Variants in VGLL4 observed in about 807,000 individuals in gnomAD.
VGLL4 encodes transcription cofactor vestigial-like protein 4.
In VGLL4, 7 loss-of-function variants were observed where a neutral mutation model predicts 21.0. The ratio of observed to expected loss-of-function variants is 0.33; its 90% CI spans 0.19 to 0.63. VGLL4 has a LOEUF of 0.63. Among genes scored for constraint, VGLL4 ranks in the 20% least tolerant of loss-of-function variants. VGLL4 has a pLI of 0.78. For synonymous variants in VGLL4, 222 were observed against 173.2 expected (o/e 1.28, Z -2.21); for missense variants, 394 against 425.7 (o/e 0.93, Z 0.66).
intron 1 of VGLL4, among the ~76,000 whole-genome samples, chr3:11,604,968 C>T (rs1272706074): frequency 7.0e-6 from 1 of 143,552 alleles, no homozygotes; most frequent in Non-Finnish European, 1.5e-5. Flanking sequence ...AGTTTAACTA[C>T]AGGCCTTTCT....
chr3:11,609,056 T>G, intron 1 of VGLL4, among the ~76,000 whole-genome samples: 1 of 152,148 alleles, frequency 6.6e-6, no homozygotes. Flanking sequence ...TTAGTAGAGA[T>G]GGGGTTTTAC....
chr3:11,571,189 G>C (rs7622301), intron 2 of VGLL4, among the ~76,000 whole-genome samples: 68,215 of 152,002 alleles, frequency 0.45, 17,369 homozygotes, highest in Non-Finnish European at 0.6. Context: ...TCAATAGCGG[G>C]GTCCATCCTC....
chr3:11,641,425 A>AT (rs2075686904), intron 1 of VGLL4, among the ~76,000 whole-genome samples: 1 of 152,136 alleles, frequency 6.6e-6, no homozygotes, highest in African/African-American at 2.4e-5. Flanking sequence ...CAAGTGTTGG[A>AT]TTTTAAAGAA....
At chr3:11,595,018 G>A (rs944422075) in intron 2 of VGLL4, among the ~76,000 whole-genome samples, 5 of 152,194 alleles carry the variant, frequency 3.3e-5, no homozygotes, top group East Asian at 1.9e-4. Flanking sequence ...AAAATTAGCC[G>A]GGCATGGTGG....
At chr3:11,713,438 G>C (rs920708532) in intron 1 of VGLL4, among the ~76,000 whole-genome samples, 1 of 151,730 alleles carries the variant, frequency 6.6e-6, no homozygotes, top group Non-Finnish European at 1.5e-5. Flanking sequence ...GCTTCTGCTT[G>C]CGTCAAATTC....
rs376243595 is a variant in VGLL4, at chr3:11,698,504, G to C, written c.64+4467C>G. ...AGCCTGGGCGAATGAGCAAGACTCT[G>C]TCTCCAGAAAAAAACAGCTGGAAAA... On this transcript the variant is annotated intron_variant, in intron 2 of 5. Transcript: ENST00000273038. 2.6e-4 allele frequency among the ~76,000 whole-genome samples: 39 copies of C among 152,210 alleles called. 1 individual carries two copies. The highest frequency in any genetic ancestry group is 2.1e-3 in the East Asian group (11 of 5,172).
At chr3:11,582,402 T>G in intron 2 of VGLL4, 1 of 1,546,012 alleles carries the variant, frequency 6.5e-7, no homozygotes, top group South Asian at 1.2e-5. Context: ...GGGCGGGCGC[T>G]TGTCAGAATA....
Position 11,626,051 on chromosome 3 carries a change from A to G in VGLL4, c.82+17386T>C, listed in dbSNP as rs938275942. On this transcript the variant is annotated intron_variant, in intron 1 of 4. Coordinates refer to ENST00000430365, the MANE Select transcript of VGLL4 (RefSeq NM_001128219.3). ...GAATGAATGGCATGGTGTACGAATT[A>G]TATCTCAGCAAAGCTGTTAAAAATC... 5.3e-5 allele frequency among the ~76,000 whole-genome samples: 8 copies of G among 152,226 alleles called. No individual in the cohort carries two copies. In the East Asian group the frequency reaches 5.8e-4, roughly 11 times the overall value.
intron 2 of VGLL4, among the ~76,000 whole-genome samples, chr3:11,582,122 G>A (rs1430366267): frequency 6.6e-6 from 1 of 152,220 alleles, no homozygotes; most frequent in African/African-American, 2.4e-5. Context: ...AGGGAGGGAC[G>A]AGAAGGAAAA....
At position 11,655,312 on chromosome 3, in the gene VGLL4, TGAG is replaced by T. The variant is rs1370028767; in HGVS notation, c.64+47656_64+47658del. 3.3e-5 allele frequency among the ~76,000 whole-genome samples: 5 copies of T among 152,290 alleles called. No homozygotes were observed. In the East Asian group the frequency reaches 9.6e-4, roughly 29 times the overall value. ...CTACCCTGGAGATTCTGAACTGAAC[TGAG>T]GAGGGCACCTGGCTGCTTTTCATAC... is the stretch of plus-strand genomic sequence containing the variant. On this transcript the variant is annotated intron_variant, in intron 2 of 5. Coordinates refer to the VGLL4 transcript ENST00000273038.
intron 2 of VGLL4, among the ~76,000 whole-genome samples, chr3:11,663,064 C>T (rs770199987): frequency 7.9e-5 from 12 of 152,068 alleles, no homozygotes; most frequent in Non-Finnish European, 1.5e-4. Flanking sequence ...GTTGGGAAAG[C>T]GAGGCAGCAG....
chr3:11,691,500 C>T (rs2076526060), intron 2 of VGLL4, among the ~76,000 whole-genome samples: 1 of 152,150 alleles, frequency 6.6e-6, no homozygotes, highest in African/African-American at 2.4e-5. Flanking sequence ...TGTAAATACA[C>T]CCATCATGGC....
chr3:11,714,093 A>AT (rs1440212342), intron 1 of VGLL4, among the ~76,000 whole-genome samples: 1 of 152,210 alleles, frequency 6.6e-6, no homozygotes, highest in Non-Finnish European at 1.5e-5. Flanking sequence ...AACTATACAA[A>AT]TGCACAGACT....
chr3:11,677,089 T>G (rs565205384), intron 2 of VGLL4, among the ~76,000 whole-genome samples: 1 of 152,322 alleles, frequency 6.6e-6, no homozygotes, highest in Admixed American at 6.5e-5. Context: ...GTTAAATATT[T>G]TGGTTGTTTT....
intron 2 of VGLL4, among the ~76,000 whole-genome samples, chr3:11,566,490 G>C (rs2073529993): frequency 1.3e-5 from 2 of 152,200 alleles, no homozygotes; most frequent in South Asian, 4.1e-4. Flanking sequence ...CCAGCCCTTA[G>C]TGAATGTTTT....
chr3:11,603,321 C>G (rs780495117), intron 1 of VGLL4, among the ~76,000 whole-genome samples: 3 of 152,102 alleles, frequency 2.0e-5, no homozygotes, highest in Non-Finnish European at 4.4e-5. Flanking sequence ...GGATTCTGGC[C>G]CCAAAGCAAA....
chr3:11,700,412 G>A (rs1386990532), intron 2 of VGLL4, among the ~76,000 whole-genome samples: 3 of 152,116 alleles, frequency 2.0e-5, no homozygotes, highest in Admixed American at 6.5e-5. Flanking sequence ...CTATATTGGC[G>A]CTCAACAAAG....
At chr3:11,721,624 C>A (rs770586862), upstream of VGLL4, among the ~76,000 whole-genome samples, 7 of 152,184 alleles carry the variant, frequency 4.6e-5, no homozygotes, top group Non-Finnish European at 1.0e-4. Flanking sequence ...CTGAGAAAGA[C>A]TGTAAATAGG....
rs1287750569 is a variant in VGLL4, at chr3:11,719,468, G to T, written c.-14+926C>A. 2.0e-5 allele frequency: 3 copies of T among 151,336 alleles called. No homozygotes were observed. The highest frequency in any genetic ancestry group is 3.0e-5 in the Non-Finnish European group (2 of 67,776). 9.4% of individuals were successfully genotyped at this position (151,336 alleles called of 1,614,324 possible). ...CTGGGGCCGGCCTGGCCCTGCGGGGGACCCAGGGGCGGGGACGGGACCTGG... is the reference window on the plus strand; with the variant it reads ...CTGGGGCCGGCCTGGCCCTGCGGGGTACCCAGGGGCGGGGACGGGACCTGG... On this transcript the variant is annotated intron_variant, in intron 1 of 5. Transcript: ENST00000273038. The surrounding 1 kb of genome is among the most constrained non-coding windows in gnomAD (Gnocchi z 4.0).
Sources: allele counts gnomAD v4.1 joint callset (sites outside exome capture counted in the v4.1 genomes callset), GRCh38; gene constraint gnomAD v4.1.1; non-coding constraint Gnocchi (gnomAD v3.1); transcripts MANE v1.5; gene names NCBI Gene and HGNC (gene_info 2026-07-23, HGNC 2026-07-21).